The following USP53 variants were observed in gnomAD, a reference collection of about 807,000 sequenced individuals.
USP53 encodes ubiquitin carboxyl-terminal hydrolase 53.
USP53 carries 71 observed loss-of-function variants against 94.9 expected under a neutral mutation model. The ratio of observed to expected loss-of-function variants is 0.75; its 90% CI spans 0.62 to 0.91. The LOEUF is 0.91. Among genes scored for constraint, USP53 ranks in the 40% least tolerant of loss-of-function variants. The pLI is 0.00. For synonymous variants in USP53, 375 were observed against 422.7 expected (o/e 0.89, Z 1.39); for missense variants, 1,173 against 1,281.0 (o/e 0.92, Z 1.29).
Position 119,256,368 on chromosome 4 carries a change from G to C in USP53, c.486+9G>C, listed in dbSNP as rs760226440. The C allele has an allele frequency of 1.9e-6, 3 of 1,613,144 alleles. No homozygotes were observed. The highest frequency in any genetic ancestry group is 1.7e-6 in the Non-Finnish European group (2 of 1,179,372). ...TGACTCTGTATGAACAGGTGAGATG[G>C]CTTGATTATTATTTAGATATTGTAG... On this transcript the variant is annotated intron_variant, in intron 8 of 18. Transcript: ENST00000692078.
At position 119,292,369 on chromosome 4, in the gene USP53, T is replaced by C. The variant is rs1432822357; in HGVS notation, c.2380T>C (p.Phe794Leu). ...TGTACATGAAGACAATGGAAAGTTA[T>C]TTCCTTCATCCAGTCTACAAATACC... The part of the protein sequence containing the change: ...SHVHEDNGKL[F>L]PSSSLQIPKD... The change falls in exon 19 of 19, where the codon TTT becomes CTT. Residue 794 changes from phenylalanine to leucine, a missense_variant. By Grantham distance (22) the Phe-to-Leu change is conservative (BLOSUM62 0). Transcript: ENST00000692078. 5.0e-6 allele frequency: 8 copies of C among 1,606,518 alleles called. No individual in the cohort carries two copies. Among genetic ancestry groups the C allele is most frequent in the African/African-American group, 1.3e-5 (1 of 74,430 alleles).
chr4:119,249,630 G>T (rs868082679), intron 7 of USP53, among the ~76,000 whole-genome samples: 9 of 148,376 alleles, frequency 6.1e-5, no homozygotes, highest in Middle Eastern at 3.5e-3. Context: ...CCTCCTATTG[G>T]TGTCCATTCA....
rs1470075230 is a variant in USP53, at chr4:119,294,971, CTTTTA to C, written c.*1762_*1766del. On this transcript the variant is annotated 3_prime_UTR_variant, in exon 19 of 19. Transcript: ENST00000692078. The stretch of plus-strand genomic sequence containing the variant: ...TATTTAAAATACCAAAGTTTTTCTT[CTTTTA>C]TAACATTGTAAGATACTAGAAAAAT... 1.3e-5 allele frequency: 2 copies of C among 150,844 alleles called. No homozygotes were observed. Among genetic ancestry groups the C allele is most frequent in the Admixed American group, 6.6e-5 (1 of 15,138 alleles). 9.3% of individuals were successfully genotyped at this position (150,844 alleles called of 1,614,324 possible).
Position 119,292,463 on chromosome 4 carries a change from G to A in USP53, c.2474G>A (p.Cys825Tyr), listed in dbSNP as rs1480443361. The A allele has an allele frequency of 6.2e-7, 1 of 1,613,930 alleles. No individual in the cohort carries two copies. The highest frequency in any genetic ancestry group is 1.3e-5 in the African/African-American group (1 of 75,014). Reference protein sequence around the residue: ...DEQKLEKPNECKFSEWLNIEN... With the variant: ...DEQKLEKPNEYKFSEWLNIEN... ...CAGAAACTTGAAAAACCGAATGAAT[G>A]CAAATTTTCTGAGTGGCTTAATATA... The change falls in exon 19 of 19, where the codon TGC becomes TAC. Residue 825 changes from cysteine to tyrosine, a missense_variant. By Grantham distance (194) the Cys-to-Tyr change is radical (BLOSUM62 -2). Transcript: ENST00000692078.
In USP53 at chr4:119,294,324, GTTTA is replaced by G. The variant is rs956465134; in HGVS notation, c.*1114_*1117del. 2.6e-5 allele frequency: 4 copies of G among 152,044 alleles called. No individual in the cohort carries two copies. Among genetic ancestry groups the G allele is most frequent in the Non-Finnish European group, 4.4e-5 (3 of 67,934 alleles). 9.4% of individuals were successfully genotyped at this position (152,044 alleles called of 1,614,324 possible). ...ATAGAGAGTTTAATTTTAATAAAATGTTTAATTAGAGCATCCTTCCCTTTTATTC... is the reference window on the plus strand; with the variant it reads ...ATAGAGAGTTTAATTTTAATAAAATGATTAGAGCATCCTTCCCTTTTATTC... On this transcript the variant is annotated 3_prime_UTR_variant, in exon 19 of 19. Coordinates refer to ENST00000692078, the MANE Select transcript of USP53 (RefSeq NM_001371395.1).
In USP53 at chr4:119,239,665, T is replaced by C; in HGVS notation, c.-95T>C. The C allele has an allele frequency of 7.2e-7, 1 of 1,394,272 alleles. No individual in the cohort carries two copies. The highest frequency in any genetic ancestry group is 1.4e-5 in the African/African-American group (1 of 69,330). The allele number at this position is 1,394,272 out of a possible 1,614,324, so 86.4% of individuals were successfully genotyped here. The stretch of plus-strand genomic sequence containing the variant: ...CATTATTAAAATAGACTGCAGTGGA[T>C]TTAATTGGACAATTCAAGACATCCA... On this transcript the variant is annotated 5_prime_UTR_variant, in exon 5 of 19. Coordinates refer to ENST00000692078, the MANE Select transcript of USP53 (RefSeq NM_001371395.1).
intron 16 of USP53, chr4:119,272,838 T>C (rs948085345): frequency 3.3e-5 from 5 of 152,324 alleles, no homozygotes; most frequent in African/African-American, 9.6e-5. Context: ...ATAAAAAAAA[T>C]CAGCCAAATA....
In USP53 at chr4:119,245,373, C is replaced by A. The variant is rs767939357; in HGVS notation, c.181C>A (p.Arg61=). 2 of 1,613,544 alleles carry A rather than the reference C, an allele frequency of 1.2e-6. No individual in the cohort carries two copies. Among genetic ancestry groups the A allele is most frequent in the Non-Finnish European group, 8.5e-7 (1 of 1,179,836 alleles). The change falls in exon 6 of 19, where the codon CGG becomes AGG. Residue 61 remains arginine, a synonymous_variant. Coordinates refer to ENST00000692078, the MANE Select transcript of USP53 (RefSeq NM_001371395.1). Reference sequence around the variant, plus strand: ...ATTGGATATATTCCGACGAAGCTTGCGGGTTTTGACTGGACATGTTTGTCA... The same window carrying A: ...ATTGGATATATTCCGACGAAGCTTGAGGGTTTTGACTGGACATGTTTGTCA... ...WQLDIFRRSL[R]VLTGHVCQGD...
At chr4:119,236,269 A>T (rs868520246) in intron 4 of USP53, among the ~76,000 whole-genome samples, 2 of 152,242 alleles carry the variant, frequency 1.3e-5, no homozygotes, top group African/African-American at 2.4e-5. Flanking sequence ...TATCTTATTT[A>T]AAAACTATTG....
At chr4:119,255,604 G>T (rs573852993) in intron 7 of USP53, among the ~76,000 whole-genome samples, 25 of 152,344 alleles carry the variant, frequency 1.6e-4, no homozygotes, top group Non-Finnish European at 2.8e-4. Context: ...GACCGTGGGA[G>T]AAGCTCAGTA....
chr4:119,253,446 G>T (rs13104050), intron 7 of USP53, among the ~76,000 whole-genome samples: 13,968 of 152,184 alleles, frequency 0.092, 834 homozygotes, highest in Non-Finnish European at 0.13. Flanking sequence ...TCTTCTTATT[G>T]AATTGATCCC....
chr4:119,227,645 A>G (rs1329536637), intron 3 of USP53, among the ~76,000 whole-genome samples: 3 of 152,196 alleles, frequency 2.0e-5, no homozygotes, highest in African/African-American at 7.2e-5. Flanking sequence ...AAGAAAGAAA[A>G]AAAATTGCAT....
In USP53 at chr4:119,271,808, A is replaced by G. The variant is rs761328749; in HGVS notation, c.1948A>G (p.Ile650Val). 1.4e-5 allele frequency: 22 copies of G among 1,612,740 alleles called. No individual in the cohort carries two copies. In the South Asian group the frequency reaches 2.1e-4, roughly 15 times the overall value. The change falls in exon 16 of 19, where the codon ATA (isoleucine) becomes GTA (valine). Residue 650 changes from isoleucine (I) to valine (V), a missense_variant. Transcript: ENST00000692078. Reference protein sequence around the residue: ...TIYEDEMKQEIGSRSSLESNG... With the variant: ...TIYEDEMKQEVGSRSSLESNG... Reference sequence around the variant, plus strand: ...ATATGAAGATGAAATGAAGCAGGAAATAGGAAGCAGAAGTTCCCTTGAATC... The same window carrying G: ...ATATGAAGATGAAATGAAGCAGGAAGTAGGAAGCAGAAGTTCCCTTGAATC...
At chr4:119,290,193 C>G (rs567019485) in intron 17 of USP53, among the ~76,000 whole-genome samples, 1 of 152,046 alleles carries the variant, frequency 6.6e-6, no homozygotes, top group East Asian at 1.9e-4. Flanking sequence ...CAATAGCTAG[C>G]TATAATTAGA....
intron 17 of USP53, among the ~76,000 whole-genome samples, chr4:119,274,531 A>G (rs1455947592): frequency 1.3e-5 from 2 of 152,040 alleles, no homozygotes; most frequent in East Asian, 3.9e-4. Context: ...AGTCTTTGCT[A>G]TTGTGAATAA....
intron 12 of USP53, among the ~76,000 whole-genome samples, chr4:119,266,569 G>A (rs1481735927): frequency 6.6e-6 from 1 of 152,084 alleles, no homozygotes; most frequent in African/African-American, 2.4e-5. Flanking sequence ...ATCTTTTCAT[G>A]TGCTTGTTTG....
At chr4:119,260,362 GACAA>G in intron 10 of USP53, 141 bp from the exon 11 acceptor site, 1 of 534,024 alleles carries the variant, frequency 1.9e-6, no homozygotes, top group Non-Finnish European at 3.0e-6. Flanking sequence ...CAATAATTAA[GACAA>G]ACAGCTTGTT....
At chr4:119,238,134 CT>C (rs992742311) in intron 4 of USP53, among the ~76,000 whole-genome samples, 1 of 152,214 alleles carries the variant, frequency 6.6e-6, no homozygotes, top group Non-Finnish European at 1.5e-5. Flanking sequence ...AGAGCTTTCC[CT>C]TTGCATTCAC....
At chr4:119,268,131 C>T in intron 13 of USP53, 137 bp from the exon 14 acceptor site, 2 of 753,464 alleles carry the variant, frequency 2.7e-6, no homozygotes, top group Non-Finnish European at 3.9e-6. Context: ...TGCGCCACTG[C>T]AGTCCGCAGT....
Sources: gnomAD v4.1 joint callset for allele counts (sites outside exome capture counted in the v4.1 genomes callset) on GRCh38, gnomAD v4.1.1 for gene constraint, MANE v1.5 for transcripts, NCBI Gene and HGNC (gene_info 2026-07-23, HGNC 2026-07-21) for gene names.